Variants in EXOC7 observed in about 807,000 individuals in gnomAD.
EXOC7 encodes the protein exocyst complex component 7, also known as exocyst complex component Exo70.
In EXOC7, 51 loss-of-function variants were observed where a neutral mutation model predicts 87.6. The ratio of observed to expected loss-of-function variants is 0.58; its 90% CI spans 0.46 to 0.73. EXOC7 has a LOEUF of 0.73. Ranked by LOEUF, EXOC7 falls within the 30% of genes least tolerant of loss-of-function variation. The pLI is 0.00. For missense variants in EXOC7, 744 were observed against 888.4 expected (o/e 0.84, Z 2.07); for synonymous variants, 327 against 357.1 (o/e 0.92, Z 0.95).
At chr17:76,102,496 G>A (rs1357652218) in intron 2 of EXOC7, among the ~76,000 whole-genome samples, 1 of 151,788 alleles carries the variant, frequency 6.6e-6, no homozygotes, top group African/African-American at 2.4e-5. Context: ...AGTCCCAGCT[G>A]CTAGGAGGCC....
At chr17:76,087,997 C>CCCTGGG (rs781472339) in intron 11 of EXOC7, 63 bp downstream of exon 11, 23 of 1,585,508 alleles carry the variant, frequency 1.5e-5, no homozygotes, top group African/African-American at 9.4e-5. Context: ...CTCTGCCTGG[C>CCCTGGG]CCTGGGCCTG....
rs774094639 is a variant in EXOC7 at position 76,089,223 on chromosome 17, G to T, written c.999C>A (p.Asp333Glu). 24 of 1,614,076 alleles carry T rather than the reference G, an allele frequency of 1.5e-5. No individual in the cohort carries two copies. The East Asian group carries it at 5.1e-4, about 34-fold the overall frequency. Residue 333 changes from aspartate to glutamate, a missense_variant, in exon 8 of 19, where the codon GAC becomes GAA. By Grantham distance (45) the Asp-to-Glu change is conservative. This residue lies in a region of EXOC7 where 512 missense variants were observed against 573.0 expected (regional missense o/e 0.89). Transcript: ENST00000589210. ...LAQSEYQLLADIIPEHHQKKT... is the reference protein window; with the variant it reads ...LAQSEYQLLAEIIPEHHQKKT... Reference sequence around the variant, plus strand: ...TCTTCTGGTGGTGCTCGGGGATGATGTCGGCCAGCAGCTGGTACTCGCTCT... The same window carrying T: ...TCTTCTGGTGGTGCTCGGGGATGATTTCGGCCAGCAGCTGGTACTCGCTCT...
chr17:76,088,197 G>T, intron 10 of EXOC7, 75 bp from the exon 11 acceptor site: 1 of 1,478,622 alleles, frequency 6.8e-7, no homozygotes, highest in Non-Finnish European at 9.4e-7. Flanking sequence ...TGCTCATGGT[G>T]CCGCCTCCTG....
In EXOC7 at chr17:76,094,109, T is replaced by A. The variant is rs188818795; in HGVS notation, c.808+305A>T. The A allele has an allele frequency of 1.1e-5, 3 of 275,612 alleles. No individual in the cohort carries two copies. In the Admixed American group the frequency reaches 1.5e-4, roughly 13 times the overall value. The allele number at this position is 275,612 out of a possible 1,614,324, so 17.1% of individuals were successfully genotyped here. On this transcript the variant is annotated intron_variant, in intron 6 of 18. Coordinates refer to ENST00000589210, the MANE Select transcript of EXOC7 (RefSeq NM_001013839.4). ...TGGCCTTCTGACAGGGCGACGTGTG[T>A]GTGAGGGAGGAGGCCTAGGCAGGGG...
At chr17:76,083,776 CA>C in intron 18 of EXOC7, 26 bp from the exon 19 acceptor site, 3 of 1,603,524 alleles carry the variant, frequency 1.9e-6, no homozygotes, top group Non-Finnish European at 2.6e-6. Flanking sequence ...GGTCAGGGGA[CA>C]GGGAGGGCCG....
At chr17:76,100,633 C>CAAAA (rs34141633) in intron 4 of EXOC7, among the ~76,000 whole-genome samples, 2 of 130,916 alleles carry the variant, frequency 1.5e-5, no homozygotes, top group African/African-American at 5.4e-5. Context: ...AACTCCATCT[C>CAAAA]AAAAAAAAAA....
chr17:76,091,091 G>A (rs938690739), intron 7 of EXOC7, 52 bp downstream of exon 7: 33 of 1,521,464 alleles, frequency 2.2e-5, no homozygotes, highest in Middle Eastern at 1.7e-4. Context: ...TGCCAAGTGC[G>A]TGGACACACA....
chr17:76,094,726 A>G, intron 5 of EXOC7, 145 bp from the exon 6 acceptor site: 2 of 777,632 alleles, frequency 2.6e-6, no homozygotes, highest in Non-Finnish European at 4.0e-6. Context: ...CTTGTCCCAA[A>G]TCAGGCAAAG....
rs754108322 is a variant in EXOC7, at chr17:76,103,617, C to T, written c.60+16G>A. ...TTCCCTCACCTCCTCCCCAGCCTCC[C>T]CAGGCCCACGCCCACCTGCTTCAGC... On this transcript the variant is annotated intron_variant, in intron 1 of 18. Transcript: ENST00000589210. The T allele has an allele frequency of 6.2e-7, 1 of 1,613,346 alleles. No homozygotes were observed. Among genetic ancestry groups the T allele is most frequent in the Non-Finnish European group, 8.5e-7 (1 of 1,179,664 alleles).
Position 76,088,492 on chromosome 17 carries a change from G to C in EXOC7, c.1271C>G (p.Ala424Gly). The C allele has an allele frequency of 6.2e-7, 1 of 1,614,048 alleles. No individual in the cohort carries two copies. Among genetic ancestry groups the C allele is most frequent in the Non-Finnish European group, 8.5e-7 (1 of 1,179,994 alleles). Residue 424 changes from alanine to glycine, a missense_variant, in exon 10 of 19, where the codon GCG (alanine) becomes GGG (glycine). This residue lies in a region of EXOC7 where 512 missense variants were observed against 573.0 expected (regional missense o/e 0.89). Coordinates refer to ENST00000589210, the MANE Select transcript of EXOC7 (RefSeq NM_001013839.4). ...GATGTTGTCTGCGAAGTCCTCCAGC[G>C]CTTTGGCACCGATGGTCTCCATGGA... Reference protein sequence around the residue: ...ITSMETIGAKALEDFADNIKN... With the variant: ...ITSMETIGAKGLEDFADNIKN...
chr17:76,085,215 A>C, intron 15 of EXOC7, 99 bp downstream of exon 15: 1 of 967,848 alleles, frequency 1.0e-6, no homozygotes, highest in Non-Finnish European at 1.6e-6. Context: ...AGAGGACAGG[A>C]GTTCCCCGTG....
In EXOC7 at chr17:76,089,159, C is replaced by CG; in HGVS notation, c.1047+15dup. 6.2e-7 allele frequency: 1 copy of CG among 1,611,538 alleles called. No homozygotes were observed. The highest frequency in any genetic ancestry group is 1.1e-5 in the South Asian group (1 of 91,012). The stretch of plus-strand genomic sequence containing the variant: ...TTGCTGGGGCTGGCTGCAGAGCCCC[C>CG]GGGGCGGGGCGGGACCTGTATCAGG... On this transcript the variant is annotated intron_variant, in intron 8 of 18. Coordinates refer to ENST00000589210, the MANE Select transcript of EXOC7 (RefSeq NM_001013839.4).
Position 76,094,576 on chromosome 17 carries a change from T to G in EXOC7, c.646A>C (p.Met216Leu). The G allele has an allele frequency of 1.2e-6, 2 of 1,612,534 alleles. No homozygotes were observed. The highest frequency in any genetic ancestry group is 1.7e-6 in the Non-Finnish European group (2 of 1,179,392). ...GAGCGTATCTGGTAGTAGACGTTCA[T>G]GAAATCTGAGGAGACACAGAGGGAT... ...LVEYGRNQDF[M>L]NVYYQIRSSQ... The change falls in exon 6 of 19, where the codon ATG (methionine) becomes CTG (leucine). Residue 216 changes from methionine (M) to leucine (L), a missense_variant. Around this residue, in one of 3 missense-constraint regions of EXOC7, gnomAD observed 512 missense variants for 573.0 expected, o/e 0.89. Transcript: ENST00000589210.
At chr17:76,088,005 C>A in intron 11 of EXOC7, 55 bp downstream of exon 11, 2 of 1,600,390 alleles carry the variant, frequency 1.2e-6, no homozygotes, top group Non-Finnish European at 8.6e-7. Context: ...GGCCCTGGGC[C>A]TGGGCCTGGG....
chr17:76,082,018 G>A lies in EXOC7; in HGVS notation c.*1630C>T, dbSNP rs1473924927. 2 of 1,611,280 alleles carry A rather than the reference G, an allele frequency of 1.2e-6. No homozygotes were observed. The highest frequency in any genetic ancestry group is 8.5e-7 in the Non-Finnish European group (1 of 1,179,318). On this transcript the variant is annotated 3_prime_UTR_variant, in exon 19 of 19. Transcript: ENST00000589210. The stretch of plus-strand genomic sequence containing the variant: ...CAGCCCCGAGAGGGGAACAGCGAGA[G>A]CACGGCAACCCAGGGCCTCATCCTG...
Position 76,101,344 on chromosome 17 carries a change from C to G in EXOC7, c.344G>C (p.Ser115Thr). 1 of 1,614,098 alleles carries G rather than the reference C, an allele frequency of 6.2e-7. No individual in the cohort carries two copies. The highest frequency in any genetic ancestry group is 1.1e-5 in the South Asian group (1 of 91,086). ...CACTGCCTTCTGAATCTTGGCCATG[C>G]TTCCCAGGTACTCTTCCAGCCTACC... The part of the protein sequence containing the change: ...PTGRLEEYLG[S>T]MAKIQKAVEY... The change falls in exon 4 of 19, where the codon AGC becomes ACC. Residue 115 changes from serine to threonine, a missense_variant. Physicochemically the swap from Ser to Thr is moderately conservative, Grantham distance 58. This residue lies in a region of EXOC7 where 512 missense variants were observed against 573.0 expected (regional missense o/e 0.89). Transcript: ENST00000589210.
chr17:76,087,471 T>C, intron 12 of EXOC7, 183 bp downstream of exon 12: 1 of 612,560 alleles, frequency 1.6e-6, no homozygotes, highest in Non-Finnish European at 2.9e-6. Flanking sequence ...GTCCAGTGTC[T>C]GGTCTTGAAA....
At chr17:76,085,963 A>C (rs1347126489) in intron 13 of EXOC7, 117 bp downstream of exon 13, 1 of 1,514,154 alleles carries the variant, frequency 6.6e-7, no homozygotes, top group Non-Finnish European at 9.0e-7. Flanking sequence ...GTGGTTCCAA[A>C]GATCAGATGG....
At chr17:76,086,271 G>A in intron 12 of EXOC7, 126 bp from the exon 13 acceptor site, 1 of 951,226 alleles carries the variant, frequency 1.1e-6, no homozygotes. Context: ...GGCAGAGCTG[G>A]CTGCCTGCTA....
Sources: allele counts gnomAD v4.1 joint callset (sites outside exome capture counted in the v4.1 genomes callset), GRCh38; gene constraint gnomAD v4.1.1; regional missense constraint gnomAD v4.1.1; transcripts MANE v1.5; gene names NCBI Gene and HGNC (gene_info 2026-07-23, HGNC 2026-07-21).